The following DDX4 variants were observed in gnomAD, a reference collection of about 807,000 sequenced individuals.
The protein encoded by DDX4 is probable ATP-dependent RNA helicase DDX4.
In DDX4, 25 loss-of-function variants were observed where a neutral mutation model predicts 100.0. That is an observed-to-expected ratio of 0.25 (90% CI 0.18 to 0.35). The LOEUF (loss-of-function observed/expected upper bound fraction) is 0.35. DDX4 is among the 10% of genes least tolerant of loss of function. The pLI, the probability that DDX4 is intolerant of heterozygous loss-of-function variation, is 1.00. For synonymous variants in DDX4, 259 were observed against 275.7 expected (o/e 0.94, Z 0.60); for missense variants, 635 against 882.4 (o/e 0.72, Z 3.55).
intron 18 of DDX4, among the ~76,000 whole-genome samples, chr5:55,800,053 A>G (rs1428905105): frequency 1.3e-5 from 2 of 152,216 alleles, no homozygotes; most frequent in African/African-American, 4.8e-5. Context: ...GGCTTCATCA[A>G]ATGTTTCATA....
intron 7 of DDX4, among the ~76,000 whole-genome samples, chr5:55,768,889 G>A (rs1306956302): frequency 1.3e-5 from 2 of 152,160 alleles, no homozygotes; most frequent in Non-Finnish European, 2.9e-5. Flanking sequence ...GTGATGCTGA[G>A]CATTTTTTCA....
At chr5:55,766,480 C>G (rs149456950) in intron 6 of DDX4, among the ~76,000 whole-genome samples, 2 of 141,298 alleles carry the variant, frequency 1.4e-5, no homozygotes, top group African/African-American at 5.2e-5. Context: ...TATTAGTTAT[C>G]ATCATTGTTA....
chr5:55,805,926 A>G (rs1167033813), intron 18 of DDX4, among the ~76,000 whole-genome samples: 3 of 152,220 alleles, frequency 2.0e-5, no homozygotes, highest in East Asian at 1.9e-4. Flanking sequence ...TACCTCTGGT[A>G]GAATTCAGCT....
intron 9 of DDX4, 136 bp downstream of exon 9, chr5:55,781,282 AAT>A (rs1339767577): frequency 1.7e-6 from 1 of 592,434 alleles, no homozygotes; most frequent in African/African-American, 1.9e-5. Flanking sequence ...TGTAGGTAAA[AAT>A]ATGTGGACAA....
chr5:55,780,592 C>T (rs1358275325), intron 8 of DDX4, among the ~76,000 whole-genome samples: 3 of 152,202 alleles, frequency 2.0e-5, no homozygotes, highest in Non-Finnish European at 4.4e-5. Flanking sequence ...TGAATTGTCA[C>T]TTTCACAGAA....
chr5:55,800,751 G>C (rs80205996), intron 18 of DDX4, among the ~76,000 whole-genome samples: 2 of 152,030 alleles, frequency 1.3e-5, no homozygotes, highest in Non-Finnish European at 2.9e-5. Context: ...GAGCACTATT[G>C]ATATACTTCT....
chr5:55,809,577 T>A (rs1743985303), intron 18 of DDX4, among the ~76,000 whole-genome samples: 1 of 152,218 alleles, frequency 6.6e-6, no homozygotes, highest in Non-Finnish European at 1.5e-5. Context: ...GAAATCATTG[T>A]TTTTACCTCT....
intron 17 of DDX4, among the ~76,000 whole-genome samples, chr5:55,796,573 CTT>C (rs1263551793): frequency 3.9e-5 from 6 of 152,162 alleles, no homozygotes; most frequent in Non-Finnish European, 7.4e-5. Context: ...TTTTTAAACT[CTT>C]TAACACATGA....
intron 18 of DDX4, among the ~76,000 whole-genome samples, chr5:55,804,259 C>A (rs1743540085): frequency 6.6e-6 from 1 of 151,874 alleles, no homozygotes; most frequent in African/African-American, 2.4e-5. Flanking sequence ...AAATTTTCTC[C>A]CGTTTTGTAG....
At chr5:55,788,095 T>C (rs1742350671) in intron 15 of DDX4, 95 bp downstream of exon 15, 3 of 1,081,360 alleles carry the variant, frequency 2.8e-6, no homozygotes, top group South Asian at 1.9e-5. Flanking sequence ...TGCACTCATG[T>C]AATTTTTAGC....
intron 17 of DDX4, among the ~76,000 whole-genome samples, chr5:55,794,285 T>A (rs1189107553): frequency 6.6e-6 from 1 of 151,702 alleles, no homozygotes; most frequent in African/African-American, 2.4e-5. Flanking sequence ...TCTCCCGGGT[T>A]CAAGCGATTC....
At chr5:55,772,113 A>G (rs1741291128) in intron 7 of DDX4, among the ~76,000 whole-genome samples, 1 of 152,176 alleles carries the variant, frequency 6.6e-6, no homozygotes, top group South Asian at 2.1e-4. Flanking sequence ...CGGCAGGCTG[A>G]GGCAGAAGAA....
At chr5:55,752,398 T>C (rs537444084) in intron 3 of DDX4, among the ~76,000 whole-genome samples, 1 of 145,788 alleles carries the variant, frequency 6.9e-6, no homozygotes, top group Non-Finnish European at 1.5e-5. Context: ...GTGATCTCAT[T>C]GTTCAGTTCC....
At chr5:55,779,752 A>G (rs1561497803) in intron 7 of DDX4, among the ~76,000 whole-genome samples, 1 of 152,180 alleles carries the variant, frequency 6.6e-6, no homozygotes, top group Non-Finnish European at 1.5e-5. Context: ...CAAAGCAAGC[A>G]GTGAGGTTTT....
At chr5:55,754,681 G>A (rs1462193788) in intron 3 of DDX4, among the ~76,000 whole-genome samples, 2 of 151,162 alleles carry the variant, frequency 1.3e-5, no homozygotes, top group Non-Finnish European at 3.0e-5. Context: ...AATGATGCTG[G>A]CCTCATAAAA....
chr5:55,815,513 TAATC>T (rs764093557), intron 21 of DDX4, 90 bp downstream of exon 21: 19 of 1,430,586 alleles, frequency 1.3e-5, no homozygotes, highest in Middle Eastern at 5.2e-4. Flanking sequence ...TAATATTTAA[TAATC>T]AAGCCATTGT....
At chr5:55,753,012 C>G (rs1414732520) in intron 3 of DDX4, among the ~76,000 whole-genome samples, 1 of 151,522 alleles carries the variant, frequency 6.6e-6, no homozygotes, top group Non-Finnish European at 1.5e-5. Context: ...ATGTCCTTTG[C>G]CCACTTTTTG....
At chr5:55,754,686 A>G (rs1341618766) in intron 3 of DDX4, among the ~76,000 whole-genome samples, 2 of 151,378 alleles carry the variant, frequency 1.3e-5, no homozygotes, top group African/African-American at 4.9e-5. Context: ...TGCTGGCCTC[A>G]TAAAATGAGT....
At chr5:55,774,004 T>C (rs965719219) in intron 7 of DDX4, among the ~76,000 whole-genome samples, 5 of 152,174 alleles carry the variant, frequency 3.3e-5, no homozygotes, top group Admixed American at 3.3e-4. Context: ...CATTTGTATA[T>C]CTTTGGAGAA....
Sources: allele counts gnomAD v4.1 joint callset (sites outside exome capture counted in the v4.1 genomes callset), GRCh38; gene constraint gnomAD v4.1.1; transcripts MANE v1.5; gene names NCBI Gene and HGNC (gene_info 2026-07-23, HGNC 2026-07-21).